FERMT3: variants seen among roughly 807,000 people sequenced by gnomAD.
FERMT3 encodes the protein FERM domain containing kindlin 3, also known as fermitin family homolog 3.
Under a neutral mutation model 80.8 loss-of-function variants are expected in FERMT3, and 33 were observed. The observed-to-expected ratio is 0.41, with a 90% CI of 0.31 to 0.55. The LOEUF is 0.55. Ranked by LOEUF, FERMT3 falls within the 20% of genes least tolerant of loss-of-function variation. FERMT3 has a pLI of 0.31. For missense variants in FERMT3, 754 were observed against 908.7 expected (o/e 0.83, Z 2.19); for synonymous variants, 375 against 372.2 (o/e 1.01, Z -0.09).
chr11:64,212,596 C>T (rs1326661806), intron 6 of FERMT3, among the ~76,000 whole-genome samples: 2 of 152,192 alleles, frequency 1.3e-5, no homozygotes, highest in Admixed American at 1.3e-4. Flanking sequence ...ATAGACACCA[C>T]CCCGACCACT....
chr11:64,223,219 G>C (rs1183310747), intron 14 of FERMT3, 30 bp downstream of exon 14: 1 of 1,613,522 alleles, frequency 6.2e-7, no homozygotes, highest in South Asian at 1.1e-5. Context: ...ATATGGATGG[G>C]GGACAGGTGC....
At chr11:64,216,197 AT>A (rs756581025) in intron 6 of FERMT3, among the ~76,000 whole-genome samples, 542 of 128,326 alleles carry the variant, frequency 4.2e-3, no homozygotes, top group Admixed American at 5.2e-3. Flanking sequence ...CTCTGTAAGG[AT>A]TTTTTTTTTT....
At position 64,211,803 on chromosome 11, in the gene FERMT3, G is replaced by T. The variant is rs988926452; in HGVS notation, c.786+56G>T. 1 of 1,539,148 alleles carries T rather than the reference G, an allele frequency of 6.5e-7. No individual in the cohort carries two copies. The highest frequency in any genetic ancestry group is 1.4e-5 in the African/African-American group (1 of 73,414). ...AGGTCCATGAGATGTGGAGACCTAGGGCCTGGGGTATGGGCTCTGGGATGT... is the reference window on the plus strand; with the variant it reads ...AGGTCCATGAGATGTGGAGACCTAGTGCCTGGGGTATGGGCTCTGGGATGT... On this transcript the variant is annotated intron_variant, in intron 6 of 14. Transcript: ENST00000345728. The surrounding 1 kb of genome is among the most constrained non-coding windows in gnomAD (Gnocchi z 4.7).
Position 64,206,778 on chromosome 11 carries a change from G to C in FERMT3, c.-51G>C, listed in dbSNP as rs1331743108. 1 of 154,156 alleles carries C rather than the reference G, an allele frequency of 6.5e-6. No homozygotes were observed. The highest frequency in any genetic ancestry group is 6.5e-5 in the Admixed American group (1 of 15,330). 9.5% of individuals were successfully genotyped at this position (154,156 alleles called of 1,614,324 possible). ...CCCACGGCCCACAGGGGTGTAGCCC[G>C]AGACCCACCTGCAGCCCCCAGCCCT... On this transcript the variant is annotated 5_prime_UTR_variant, in exon 1 of 15. Transcript: ENST00000345728.
chr11:64,207,459 T>C lies in FERMT3; in HGVS notation c.95T>C (p.Val32Ala). 6.2e-7 allele frequency: 1 copy of C among 1,614,088 alleles called. No individual in the cohort carries two copies. Among genetic ancestry groups the C allele is most frequent in the Non-Finnish European group, 8.5e-7 (1 of 1,179,998 alleles). The change falls in exon 2 of 15, where the codon GTC becomes GCC. Residue 32 changes from valine (V) to alanine (A), a missense_variant. Physicochemically the swap from Val to Ala is moderately conservative, Grantham distance 64. Coordinates refer to ENST00000345728, the MANE Select transcript of FERMT3 (RefSeq NM_031471.6). ...VGEEDPEAES[V>A]TLRVTGESHI... is the part of the protein sequence containing the mutation. The stretch of plus-strand genomic sequence containing the variant: ...GAGGAGGACCCAGAGGCCGAGTCGG[T>C]CACCCTGCGGGTCACTGGGGAGTCG...
rs756525841 is a variant in FERMT3 at position 64,211,085 on chromosome 11, G to C, written c.428G>C (p.Arg143Pro). The stretch of plus-strand genomic sequence containing the variant: ...CACCCCGAGGAGCTGTCCCTGCTCC[G>C]GGCTCCTGAGAAGAAGGAGAAGAAG... ...IRHPEELSLLRAPEKKEKKKK... is the reference protein window; with the variant it reads ...IRHPEELSLLPAPEKKEKKKK... The change falls in exon 4 of 15, where the codon CGG (arginine) becomes CCG (proline). Residue 143 changes from arginine to proline, a missense_variant. By Grantham distance (103) the Arg-to-Pro change is moderately radical. Transcript: ENST00000345728. The surrounding 1 kb of genome is among the most constrained non-coding windows in gnomAD (Gnocchi z 4.7). The C allele has an allele frequency of 6.9e-6, 11 of 1,584,434 alleles. No homozygotes were observed. Among genetic ancestry groups the C allele is most frequent in the Non-Finnish European group, 8.6e-6 (10 of 1,165,198 alleles).
chr11:64,208,303 C>T (rs1001410415), intron 2 of FERMT3, among the ~76,000 whole-genome samples: 2 of 152,132 alleles, frequency 1.3e-5, no homozygotes, highest in Admixed American at 6.5e-5. Flanking sequence ...AGGGGCAGGG[C>T]CCGGAGCAGC....
At chr11:64,215,871 A>G (rs2134865580) in intron 6 of FERMT3, among the ~76,000 whole-genome samples, 1 of 150,542 alleles carries the variant, frequency 6.6e-6, no homozygotes, top group African/African-American at 2.4e-5. Context: ...ACTCTGTCAC[A>G]CTCAGGCTGG....
chr11:64,216,444 C>T (rs1397137812), intron 6 of FERMT3, among the ~76,000 whole-genome samples: 1 of 149,342 alleles, frequency 6.7e-6, no homozygotes, highest in Admixed American at 6.6e-5. Context: ...CGTGATCTGC[C>T]CGCTTCAGCC....
Position 64,210,518 on chromosome 11 carries a change from G to A in FERMT3, c.161-93G>A. Reference sequence around the variant, plus strand: ...CTTGGCTTAGGCAGGGCAGGGGAGTGGTCGCCCCAGGCTTCTGAATCCTGG... The same window carrying A: ...CTTGGCTTAGGCAGGGCAGGGGAGTAGTCGCCCCAGGCTTCTGAATCCTGG... On this transcript the variant is annotated intron_variant, in intron 2 of 14. Coordinates refer to ENST00000345728, the MANE Select transcript of FERMT3 (RefSeq NM_031471.6). The surrounding 1 kb of genome is among the most constrained non-coding windows in gnomAD (Gnocchi z 4.3). The A allele has an allele frequency of 1.5e-6, 2 of 1,306,902 alleles. No individual in the cohort carries two copies. 81.0% of individuals were successfully genotyped at this position (1,306,902 alleles called of 1,614,324 possible).
At chr11:64,209,256 C>T (rs1263862008) in intron 2 of FERMT3, among the ~76,000 whole-genome samples, 1 of 152,208 alleles carries the variant, frequency 6.6e-6, no homozygotes, top group African/African-American at 2.4e-5. Context: ...CTTACAGTCC[C>T]AGTGTCAGCC....
At position 64,221,079 on chromosome 11, in the gene FERMT3, C is replaced by A; in HGVS notation, c.1609C>A (p.Leu537Met). The A allele has an allele frequency of 6.2e-7, 1 of 1,612,502 alleles. No homozygotes were observed. The highest frequency in any genetic ancestry group is 2.2e-5 in the East Asian group (1 of 44,888). Residue 537 changes from leucine (L) to methionine (M), a missense_variant, in exon 13 of 15, where the codon CTG becomes ATG. Coordinates refer to ENST00000345728, the MANE Select transcript of FERMT3 (RefSeq NM_031471.6). ...CCAGTTGTCGCTGGCAGAGGCCCAG[C>A]TGCGCTTCATCCAGGCCTGGCAGTC... Reference protein sequence around the residue: ...VAQLSLAEAQLRFIQAWQSLP... With the variant: ...VAQLSLAEAQMRFIQAWQSLP...
In FERMT3 at chr11:64,220,477, C is replaced by A. The variant is rs745823803; in HGVS notation, c.1353C>A (p.Ala451=). The change falls in exon 12 of 15, where the codon GCC becomes GCA. Residue 451 remains alanine (A), a synonymous_variant. Coordinates refer to ENST00000345728, the MANE Select transcript of FERMT3 (RefSeq NM_031471.6). ...YARWMAGCRL[A]SKGRTMADSS... Reference sequence around the variant, plus strand: ...GCTGGATGGCTGGCTGCCGCCTGGCCTCCAAAGGCCGCACCATGGCCGACA... The same window carrying A: ...GCTGGATGGCTGGCTGCCGCCTGGCATCCAAAGGCCGCACCATGGCCGACA... 59 of 1,609,554 alleles carry A rather than the reference C, an allele frequency of 3.7e-5. No homozygotes were observed. Among genetic ancestry groups the A allele is most frequent in the Non-Finnish European group, 4.8e-5 (57 of 1,178,528 alleles).
In FERMT3 at chr11:64,223,833, TTTC is replaced by T. The variant is rs777887812; in HGVS notation, c.*344_*346del. The T allele has an allele frequency of 3.7e-5, 50 of 1,364,000 alleles. No individual in the cohort carries two copies. Among genetic ancestry groups the T allele is most frequent in the Non-Finnish European group, 4.7e-5 (47 of 994,442 alleles). 84.5% of individuals were successfully genotyped at this position (1,364,000 alleles called of 1,614,324 possible). ...ATGAAACATGGTTTCAAACGAGTTC[TTTC>T]TTGTTACTTTTTAAAATTTCTTTTT... On this transcript the variant is annotated 3_prime_UTR_variant, in exon 15 of 15. Transcript: ENST00000345728.
Position 64,219,874 on chromosome 11 carries a change from C to T in FERMT3, c.1080-17C>T, listed in dbSNP as rs374311779. 1.7e-5 allele frequency: 27 copies of T among 1,613,744 alleles called. No individual in the cohort carries two copies. The highest frequency in any genetic ancestry group is 2.0e-5 in the Non-Finnish European group (24 of 1,179,994). ...GGGGGTGAGGCGGCCTTTCACAAAC[C>T]CCAGCATCCCACGAAGGCCCCGGAA... On this transcript the variant is annotated splice_polypyrimidine_tract_variant and intron_variant, in intron 9 of 14. Coordinates refer to ENST00000345728, the MANE Select transcript of FERMT3 (RefSeq NM_031471.6). The surrounding 1 kb of genome is among the most constrained non-coding windows in gnomAD (Gnocchi z 4.0).
chr11:64,219,441 A>G lies in FERMT3; in HGVS notation c.894+83A>G. 1 of 1,557,904 alleles carries G rather than the reference A, an allele frequency of 6.4e-7. No individual in the cohort carries two copies. The highest frequency in any genetic ancestry group is 8.7e-7 in the Non-Finnish European group (1 of 1,151,246). ...GGAAGGGCCTTCCTGAGTGGGGGCT[A>G]CCTCCAGGGAAGCCCGGCCTGGGGG... On this transcript the variant is annotated intron_variant, in intron 7 of 14. Transcript: ENST00000345728. The surrounding 1 kb of genome is among the most constrained non-coding windows in gnomAD (Gnocchi z 4.0).
At chr11:64,222,362 C>T (rs1186098843) in intron 13 of FERMT3, among the ~76,000 whole-genome samples, 2 of 148,796 alleles carry the variant, frequency 1.3e-5, no homozygotes, top group African/African-American at 2.5e-5. Context: ...GTCAGGAGTT[C>T]GAGACCAGCC....
chr11:64,207,539 C>T lies in FERMT3; in HGVS notation c.160+15C>T. The T allele has an allele frequency of 6.3e-7, 1 of 1,590,928 alleles. No individual in the cohort carries two copies. Among genetic ancestry groups the T allele is most frequent in the Non-Finnish European group, 8.6e-7 (1 of 1,164,704 alleles). On this transcript the variant is annotated intron_variant, in intron 2 of 14. Coordinates refer to ENST00000345728, the MANE Select transcript of FERMT3 (RefSeq NM_031471.6). Reference sequence around the variant, plus strand: ...GGAGCAGATCAGTGAGTGTCCGCTGCCCGCTTGCTGAACTCGGCACCATGG... The same window carrying T: ...GGAGCAGATCAGTGAGTGTCCGCTGTCCGCTTGCTGAACTCGGCACCATGG...
rs771990689 is a variant in FERMT3 at position 64,210,824 on chromosome 11, C to T, written c.374C>T (p.Ala125Val). 3 of 1,612,570 alleles carry T rather than the reference C, an allele frequency of 1.9e-6. No individual in the cohort carries two copies. The African/African-American group carries it at 4.0e-5, about 22-fold the overall frequency. Residue 125 changes from alanine to valine, a missense_variant, in exon 3 of 15, where the codon GCT (alanine) becomes GTT (valine). Coordinates refer to ENST00000345728, the MANE Select transcript of FERMT3 (RefSeq NM_031471.6). This position sits in a 1 kb window ranked among gnomAD's most constrained non-coding sequence, Gnocchi z 4.3. ...SFSQPLFQAV[A>V]AICRLLSIRH... ...TCCCAGCCCCTCTTCCAGGCTGTGG[C>T]TGCCATCTGCCGCCTCCTCAGTAAG...
Sources: gnomAD v4.1 joint callset for allele counts (sites outside exome capture counted in the v4.1 genomes callset) on GRCh38, gnomAD v4.1.1 for gene constraint, Gnocchi (gnomAD v3.1) non-coding constraint, MANE v1.5 for transcripts, NCBI Gene and HGNC (gene_info 2026-07-23, HGNC 2026-07-21) for gene names.